ADCY9: variants seen among roughly 807,000 people sequenced by gnomAD.
ADCY9 encodes the protein adenylate cyclase 9, also known as adenylate cyclase type 9.
Under a neutral mutation model 101.5 loss-of-function variants are expected in ADCY9, and 50 were observed. The ratio of observed to expected loss-of-function variants is 0.49; its 90% CI spans 0.39 to 0.62. The LOEUF (loss-of-function observed/expected upper bound fraction) is 0.62. Among genes scored for constraint, ADCY9 ranks in the 20% least tolerant of loss-of-function variants. The probability of loss-of-function intolerance (pLI) is 0.00; values close to 1 mark genes in which losing one functional copy is unlikely to be tolerated. For missense variants in ADCY9, 1,662 were observed against 1,800.4 expected (o/e 0.92, Z 1.39); for synonymous variants, 905 against 769.3 (o/e 1.18, Z -2.92).
At chr16:4,036,460 T>G (rs973358151) in intron 2 of ADCY9, among the ~76,000 whole-genome samples, 2 of 101,242 alleles carry the variant, frequency 2.0e-5, no homozygotes, top group African/African-American at 6.4e-5. Context: ...TGGGGTTTGT[T>G]TGTTTTTTTT....
intron 3 of ADCY9, among the ~76,000 whole-genome samples, chr16:3,998,749 G>GA (rs1352047433): frequency 3.3e-5 from 3 of 89,750 alleles, no homozygotes; most frequent in Admixed American, 1.4e-4. Context: ...AAGAAAGAAA[G>GA]AAAGAAAAGA....
intron 7 of ADCY9, chr16:3,983,020 T>A: frequency 3.4e-6 from 2 of 590,410 alleles, no homozygotes; most frequent in South Asian, 4.4e-5. Flanking sequence ...CACCGCCCCC[T>A]CCAGCGAGGT....
rs2530897 is a variant in ADCY9 at position 4,116,022 on chromosome 16, T to C, written c.-376A>G. On this transcript the variant is annotated 5_prime_UTR_variant, in exon 1 of 11. Transcript: ENST00000294016. The stretch of plus-strand genomic sequence containing the variant: ...GCGAGCTTCGGCGGGCGCCCCCGGC[T>C]CGCGCTCCCCGGCCGCCCCCCGCGC... 123,234 of 152,868 alleles carry C rather than the reference T, an allele frequency of 0.81. 50,787 individuals are homozygous for C. The highest frequency in any genetic ancestry group is 1 in the East Asian group (5,429 of 5,438). 9.5% of individuals were successfully genotyped at this position (152,868 alleles called of 1,614,324 possible). A position where few individuals can be genotyped will look rare whatever the true frequency, so the allele number is the denominator to read the frequency against.
intron 2 of ADCY9, among the ~76,000 whole-genome samples, chr16:4,040,261 T>C (rs1233915508): frequency 3.9e-5 from 6 of 152,114 alleles, no homozygotes. Flanking sequence ...GACATTACAC[T>C]ACACAATTAC....
intron 2 of ADCY9, among the ~76,000 whole-genome samples, chr16:4,108,627 C>A: frequency 6.6e-6 from 1 of 151,312 alleles, no homozygotes; most frequent in East Asian, 1.9e-4. Flanking sequence ...CCACCTCGGT[C>A]TCCCAAAGTG....
intron 5 of ADCY9, among the ~76,000 whole-genome samples, chr16:3,990,084 A>G (rs1226617728): frequency 2.0e-5 from 3 of 152,346 alleles, no homozygotes; most frequent in South Asian, 2.1e-4. Flanking sequence ...GCAGAAAATT[A>G]CTAGAAACTA....
intron 6 of ADCY9, 111 bp downstream of exon 6, chr16:3,988,883 T>C (rs1427439595): frequency 2.4e-6 from 2 of 817,574 alleles, no homozygotes; most frequent in Non-Finnish European, 2.1e-6. Flanking sequence ...GGGAAATCAA[T>C]GTTCGCCTTC....
intron 2 of ADCY9, among the ~76,000 whole-genome samples, chr16:4,025,027 G>T (rs2056504658): frequency 1.3e-5 from 2 of 151,970 alleles, no homozygotes; most frequent in South Asian, 2.1e-4. Flanking sequence ...GTTTTGAACG[G>T]CCAGGGAAGT....
rs1478684312 is a variant in ADCY9, at chr16:4,114,652, C to G, written c.791G>C (p.Arg264Pro). 1 of 1,613,376 alleles carries G rather than the reference C, an allele frequency of 6.2e-7. No individual in the cohort carries two copies. The highest frequency in any genetic ancestry group is 1.1e-5 in the South Asian group (1 of 91,076). ...VLFETFGYHF[R>P]DEACFPSPGA... Reference sequence around the variant, plus strand: ...GGGCGAGGGGAAGCAGGCTTCATCCCGGAAATGGTAGCCAAAGGTCTCGAA... The same window carrying G: ...GGGCGAGGGGAAGCAGGCTTCATCCGGGAAATGGTAGCCAAAGGTCTCGAA... Residue 264 changes from arginine to proline, a missense_variant, in exon 2 of 11, where the codon CGG becomes CCG. By Grantham distance (103) the Arg-to-Pro change is moderately radical. This residue lies in a region of ADCY9 where 422 missense variants were observed against 392.0 expected (regional missense o/e 1.08). Transcript: ENST00000294016. This position sits in a 1 kb window ranked among gnomAD's most constrained non-coding sequence, Gnocchi z 4.3.
chr16:3,971,159 G>T lies in ADCY9; in HGVS notation c.2870+3510C>A, dbSNP rs116820287. On this transcript the variant is annotated intron_variant, in intron 10 of 10. Transcript: ENST00000294016. ...CTGAACAGCCCCTAATACAAGCCTGGACACCGAGACTTTAATGAGCTTCCC... is the reference window on the plus strand; with the variant it reads ...CTGAACAGCCCCTAATACAAGCCTGTACACCGAGACTTTAATGAGCTTCCC... Among the ~76,000 whole-genome samples, 927 of 152,046 alleles carry T rather than the reference G, an allele frequency of 6.1e-3. 14 individuals carry two copies. Among genetic ancestry groups the T allele is most frequent in the African/African-American group, 0.022 (899 of 41,480 alleles).
In ADCY9 at chr16:3,992,285, T is replaced by G; in HGVS notation, c.2068A>C (p.Thr690Pro). ...TCCTGCAAGATCTCACACAGAGAAG[T>G]CTGACTGTTGGTGAGCTTCTCCTCT... Reference protein sequence around the residue: ...PQEEKLTNSQTSLCEILQEKG... With the variant: ...PQEEKLTNSQPSLCEILQEKG... The change falls in exon 5 of 11, where the codon ACT (threonine) becomes CCT (proline). Residue 690 changes from threonine to proline, a missense_variant. Thr to Pro is a conservative substitution (Grantham distance 38). Transcript: ENST00000294016. The surrounding 1 kb of genome is among the most constrained non-coding windows in gnomAD (Gnocchi z 4.2). 6.2e-7 allele frequency: 1 copy of G among 1,614,044 alleles called. No individual in the cohort carries two copies. Among genetic ancestry groups the G allele is most frequent in the Non-Finnish European group, 8.5e-7 (1 of 1,180,004 alleles).
At chr16:3,989,733 T>C (rs527783150) in intron 5 of ADCY9, among the ~76,000 whole-genome samples, 1 of 152,220 alleles carries the variant, frequency 6.6e-6, no homozygotes, top group Non-Finnish European at 1.5e-5. Flanking sequence ...GCAGCTTTTC[T>C]GTTCTTTGAA....
intron 2 of ADCY9, among the ~76,000 whole-genome samples, chr16:4,034,128 C>A (rs2141757375): frequency 6.6e-6 from 1 of 152,308 alleles, no homozygotes. Context: ...GCATGAGCCA[C>A]AGTGCATGTG....
At chr16:3,958,673 CTTTTTTT>C (rs1207846349), downstream of ADCY9, among the ~76,000 whole-genome samples, 3 of 102,998 alleles carry the variant, frequency 2.9e-5, no homozygotes, top group Admixed American at 1.2e-4. Context: ...TCGTCGGTTA[CTTTTTTT>C]TTTTTTTTTT....
chr16:4,006,778 A>G (rs1173564471), intron 3 of ADCY9, among the ~76,000 whole-genome samples: 1 of 152,188 alleles, frequency 6.6e-6, no homozygotes, highest in Non-Finnish European at 1.5e-5. Context: ...GACCGCGCCA[A>G]TTCCCTGGTA....
intron 5 of ADCY9, among the ~76,000 whole-genome samples, chr16:3,991,273 C>A (rs2056241562): frequency 6.6e-6 from 1 of 152,154 alleles, no homozygotes; most frequent in African/African-American, 2.4e-5. Flanking sequence ...GACAACCCGG[C>A]ACCACCTTGC....
intron 2 of ADCY9, among the ~76,000 whole-genome samples, chr16:4,053,326 G>A (rs1279345724): frequency 1.3e-5 from 2 of 152,204 alleles, no homozygotes; most frequent in African/African-American, 2.4e-5. Context: ...AGATGCGTTT[G>A]GAATGGAATC....
intron 2 of ADCY9, among the ~76,000 whole-genome samples, chr16:4,028,418 G>A (rs535451726): frequency 2.2e-4 from 33 of 152,160 alleles, no homozygotes; most frequent in African/African-American, 3.4e-4. Context: ...TTTAACTCAC[G>A]AAAAAGGACC....
At chr16:3,961,287 A>C (rs2055936679), downstream of ADCY9, among the ~76,000 whole-genome samples, 1 of 151,988 alleles carries the variant, frequency 6.6e-6, no homozygotes, top group Admixed American at 6.5e-5. Context: ...GTCTCTGCAA[A>C]AAAATACAAA....
Sources: gnomAD v4.1 joint callset for allele counts (sites outside exome capture counted in the v4.1 genomes callset) on GRCh38, gnomAD v4.1.1 for gene constraint, gnomAD v4.1.1 regional missense constraint, Gnocchi (gnomAD v3.1) non-coding constraint, MANE v1.5 for transcripts, NCBI Gene and HGNC (gene_info 2026-07-23, HGNC 2026-07-21) for gene names.